EFNA2: variants seen among roughly 807,000 people sequenced by gnomAD.
EFNA2 encodes ephrin A2, also known as ephrin-A2.
A neutral mutation model predicts 19.7 loss-of-function variants in EFNA2; 18 were observed. The observed-to-expected ratio is 0.91, with a 90% CI of 0.63 to 1.35. The LOEUF (loss-of-function observed/expected upper bound fraction) is 1.35, where lower values mean the gene tolerates loss of function less well. EFNA2 is among the 40% of genes most tolerant of loss of function. The pLI is 0.00. For synonymous variants in EFNA2, 187 were observed against 137.8 expected (o/e 1.36, Z -2.50); for missense variants, 303 against 296.0 (o/e 1.02, Z -0.17).
At position 1,295,562 on chromosome 19, in the gene EFNA2, G is replaced by A; in HGVS notation, c.158G>A (p.Gly53Glu). 1 of 1,596,004 alleles carries A rather than the reference G, an allele frequency of 6.3e-7. No homozygotes were observed. Among genetic ancestry groups the A allele is most frequent in the Non-Finnish European group, 8.5e-7 (1 of 1,170,680 alleles). ...RSNPRFHAGA[G>E]DDGGGYTVEV... ...CCCCGCAGGTTCCACGCAGGCGCGG[G>A]GGACGACGGCGGGGGCTACACGGTG... The change falls in exon 2 of 4, where the codon GGG becomes GAG. Residue 53 changes from glycine to glutamate, a missense_variant. Gly to Glu is a moderately conservative substitution (Grantham distance 98, BLOSUM62 -2). Transcript: ENST00000215368. The surrounding 1 kb of genome is among the most constrained non-coding windows in gnomAD (Gnocchi z 5.8).
In EFNA2 at chr19:1,300,982, G is replaced by A. The variant is rs922454691; in HGVS notation, c.*1037G>A. Among the ~76,000 whole-genome samples the A allele has an allele frequency of 4.6e-5, 7 of 151,372 alleles. No homozygotes were observed. Among genetic ancestry groups the A allele is most frequent in the Non-Finnish European group, 7.4e-5 (5 of 67,878 alleles). On this transcript the variant is annotated 3_prime_UTR_variant, in exon 4 of 4. Transcript: ENST00000215368. Reference sequence around the variant, plus strand: ...GTCTTTTATTTTGGTGGGGGGGTGGGGTGGACTTTTAGAGTAGAAGCTGCA... The same window carrying A: ...GTCTTTTATTTTGGTGGGGGGGTGGAGTGGACTTTTAGAGTAGAAGCTGCA...
In EFNA2 at chr19:1,295,330, G is replaced by C. The variant is rs1367396242; in HGVS notation, c.141-215G>C. ...CCTGTCCCCGGAGCCATCTCTCCCC[G>C]CGCACACTGACCCGTGCCCCATGCA... is the stretch of plus-strand genomic sequence containing the variant. On this transcript the variant is annotated intron_variant, in intron 1 of 3. Transcript: ENST00000215368. The surrounding 1 kb of genome is among the most constrained non-coding windows in gnomAD (Gnocchi z 5.8). Among the ~76,000 whole-genome samples the C allele has an allele frequency of 7.6e-6, 1 of 131,528 alleles. No homozygotes were observed. Among genetic ancestry groups the C allele is most frequent in the Non-Finnish European group, 1.6e-5 (1 of 63,024 alleles). The allele number at this position is 131,528 out of a possible 152,430, so 86.3% of individuals were successfully genotyped here.
chr19:1,300,082 C>G lies in EFNA2; in HGVS notation c.*137C>G. On this transcript the variant is annotated 3_prime_UTR_variant, in exon 4 of 4. Coordinates refer to ENST00000215368, the MANE Select transcript of EFNA2 (RefSeq NM_001405.4). ...GCTTCTCCCTCGCCTGGTGCCGCCCCCGCCGGGCAGGGGCCATCCACCCGC... is the reference window on the plus strand; with the variant it reads ...GCTTCTCCCTCGCCTGGTGCCGCCCGCGCCGGGCAGGGGCCATCCACCCGC... 1 of 1,279,398 alleles carries G rather than the reference C, an allele frequency of 7.8e-7. No homozygotes were observed. Among genetic ancestry groups the G allele is most frequent in the Non-Finnish European group, 1.0e-6 (1 of 966,996 alleles). 79.3% of individuals were successfully genotyped at this position (1,279,398 alleles called of 1,614,324 possible).
At position 1,287,734 on chromosome 19, in the gene EFNA2, G is replaced by A. The variant is rs1434595900; in HGVS notation, c.140+1426G>A. Among the ~76,000 whole-genome samples the A allele has an allele frequency of 6.6e-6, 1 of 152,248 alleles. No individual in the cohort carries two copies. The highest frequency in any genetic ancestry group is 1.5e-5 in the Non-Finnish European group (1 of 68,030). ...CCGCCCGCTGTGCTGGTCACATGTG[G>A]GTTTGATTAAGGCTGTCGCTGGCCG... On this transcript the variant is annotated intron_variant, in intron 1 of 3. Coordinates refer to ENST00000215368, the MANE Select transcript of EFNA2 (RefSeq NM_001405.4). The surrounding 1 kb of genome is among the most constrained non-coding windows in gnomAD (Gnocchi z 6.2).
At chr19:1,289,459 G>T (rs542378241) in intron 1 of EFNA2, among the ~76,000 whole-genome samples, 4 of 152,308 alleles carry the variant, frequency 2.6e-5, no homozygotes, top group African/African-American at 9.6e-5. Context: ...GTCCACAATG[G>T]CAACCCCGCT....
Position 1,299,807 on chromosome 19 carries a change from GTC to G in EFNA2, c.521-13_521-12del, listed in dbSNP as rs1407123774. Reference sequence around the variant, plus strand: ...GGTTCGGGCGGCCGCTGAGCGTGCTGTCTCTGCCACCCGCAGACGAGACCCTG... The same window carrying G: ...GGTTCGGGCGGCCGCTGAGCGTGCTGTCTGCCACCCGCAGACGAGACCCTG... On this transcript the variant is annotated splice_polypyrimidine_tract_variant and intron_variant, in intron 3 of 3. Transcript: ENST00000215368. The G allele has an allele frequency of 6.3e-7, 1 of 1,591,828 alleles. No homozygotes were observed. The highest frequency in any genetic ancestry group is 2.3e-5 in the East Asian group (1 of 44,226).
rs891060004 is a variant in EFNA2 at position 1,285,922 on chromosome 19, G to A, written c.-247G>A. Among the ~76,000 whole-genome samples the A allele has an allele frequency of 6.9e-6, 1 of 145,214 alleles. No individual in the cohort carries two copies. The highest frequency in any genetic ancestry group is 2.5e-5 in the African/African-American group (1 of 40,562). ...GTGCGGCGGCGGCGGCCCGCGCTCC[G>A]ACAGTCCGCGCGGCCGGGTCCTGCG... On this transcript the variant is annotated 5_prime_UTR_variant, in exon 1 of 4. Transcript: ENST00000215368. The surrounding 1 kb of genome is among the most constrained non-coding windows in gnomAD (Gnocchi z 4.1).
rs1035983633 is a variant in EFNA2 at position 1,287,762 on chromosome 19, C to T, written c.140+1454C>T. Among the ~76,000 whole-genome samples the T allele has an allele frequency of 1.3e-5, 2 of 152,230 alleles. No homozygotes were observed. Among genetic ancestry groups the T allele is most frequent in the South Asian group, 2.1e-4 (1 of 4,834 alleles). The stretch of plus-strand genomic sequence containing the variant: ...TTGATTAAGGCTGTCGCTGGCCGTG[C>T]GGGGAGTCCAGCGGGCAGCGCTTCC... On this transcript the variant is annotated intron_variant, in intron 1 of 3. Transcript: ENST00000215368. The surrounding 1 kb of genome is among the most constrained non-coding windows in gnomAD (Gnocchi z 6.2).
upstream of EFNA2, among the ~76,000 whole-genome samples, chr19:1,285,245 G>A (rs1053619110): frequency 1.3e-5 from 2 of 152,186 alleles, no homozygotes; most frequent in South Asian, 2.1e-4. The surrounding 1 kb of genome is among the most constrained non-coding windows in gnomAD (Gnocchi z 4.1). Flanking sequence ...TGCAGGATTC[G>A]TGCGTGGAGA....
intron 1 of EFNA2, among the ~76,000 whole-genome samples, chr19:1,292,512 T>A (rs1269293785): frequency 6.6e-6 from 1 of 152,086 alleles, no homozygotes; most frequent in African/African-American, 2.4e-5. Flanking sequence ...CAGCAAACCC[T>A]GTAAAGAGCA....
rs993184345 is a variant in EFNA2, at chr19:1,301,322, G to A, written c.*1377G>A. 1.3e-5 allele frequency among the ~76,000 whole-genome samples: 2 copies of A among 151,228 alleles called. No homozygotes were observed. Among genetic ancestry groups the A allele is most frequent in the Non-Finnish European group, 2.9e-5 (2 of 67,806 alleles). ...AGAGGGCTTTTGTAGGGGGTCGGCGGGGCGGGCCGCGTTGCCAGGCCTGGA... is the reference window on the plus strand; with the variant it reads ...AGAGGGCTTTTGTAGGGGGTCGGCGAGGCGGGCCGCGTTGCCAGGCCTGGA... On this transcript the variant is annotated 3_prime_UTR_variant, in exon 4 of 4. Transcript: ENST00000215368.
chr19:1,290,914 C>T (rs897686962), intron 1 of EFNA2, among the ~76,000 whole-genome samples: 5 of 152,176 alleles, frequency 3.3e-5, no homozygotes, highest in Admixed American at 6.5e-5. Flanking sequence ...GTGGGGGGCT[C>T]GTGCCACACC....
chr19:1,298,239 G>C (rs1242204689), intron 2 of EFNA2, among the ~76,000 whole-genome samples: 2 of 152,010 alleles, frequency 1.3e-5, no homozygotes, highest in African/African-American at 4.8e-5. Context: ...CTGATTGCTT[G>C]AAAACAAATA....
upstream of EFNA2, among the ~76,000 whole-genome samples, chr19:1,284,814 G>A (rs750764646): frequency 6.6e-6 from 1 of 152,248 alleles, no homozygotes; most frequent in Non-Finnish European, 1.5e-5. The surrounding 1 kb of genome is among the most constrained non-coding windows in gnomAD (Gnocchi z 5.3). Context: ...CTCCTGCACT[G>A]GGCCTGGTGA....
At chr19:1,285,791 C>T (rs1457453081), upstream of EFNA2, among the ~76,000 whole-genome samples, 1 of 149,226 alleles carries the variant, frequency 6.7e-6, no homozygotes, top group Non-Finnish European at 1.5e-5. The surrounding 1 kb of genome is among the most constrained non-coding windows in gnomAD (Gnocchi z 4.1). Context: ...AGGCTGGAGA[C>T]CCCCGCCCAG....
chr19:1,284,703 T>G (rs1295127915), upstream of EFNA2, among the ~76,000 whole-genome samples: 1 of 152,188 alleles, frequency 6.6e-6, no homozygotes, highest in Non-Finnish European at 1.5e-5. This position sits in a 1 kb window ranked among gnomAD's most constrained non-coding sequence, Gnocchi z 5.3. Context: ...CAGGTTAGCT[T>G]GCCCATCTCT....
At chr19:1,298,967 G>GT (rs71335355) in intron 3 of EFNA2, among the ~76,000 whole-genome samples, 13,651 of 152,182 alleles carry the variant, frequency 0.09, 666 homozygotes, top group Middle Eastern at 0.14. Flanking sequence ...CAGGCCGGTT[G>GT]GGTGGCTCAC....
In EFNA2 at chr19:1,286,379, C is replaced by T. The variant is rs866093734; in HGVS notation, c.140+71C>T. 40 of 832,860 alleles carry T rather than the reference C, an allele frequency of 4.8e-5. No homozygotes were observed. In the South Asian group the frequency reaches 5.4e-4, roughly 11 times the overall value. 51.6% of individuals were successfully genotyped at this position (832,860 alleles called of 1,614,324 possible). A position where few individuals can be genotyped will look rare whatever the true frequency, so the allele number is the denominator to read the frequency against. ...CCCCCAAGCCGCGCCCGGCCTCGCG[C>T]CCCCGGAGCTCCGGGCGCCCCCCAC... On this transcript the variant is annotated intron_variant, in intron 1 of 3. Transcript: ENST00000215368. The surrounding 1 kb of genome is among the most constrained non-coding windows in gnomAD (Gnocchi z 5.6).
At chr19:1,289,013 C>T (rs772092326) in intron 1 of EFNA2, among the ~76,000 whole-genome samples, 8 of 152,252 alleles carry the variant, frequency 5.3e-5, no homozygotes, top group Non-Finnish European at 8.8e-5. Context: ...GCCACAACAC[C>T]GCGTGTGCAT....
Sources: gnomAD v4.1 joint callset for allele counts (sites outside exome capture counted in the v4.1 genomes callset) on GRCh38, gnomAD v4.1.1 for gene constraint, Gnocchi (gnomAD v3.1) non-coding constraint, MANE v1.5 for transcripts, NCBI Gene and HGNC (gene_info 2026-07-23, HGNC 2026-07-21) for gene names.